Variants in SLC10A7 observed in about 807,000 individuals in gnomAD.
SLC10A7 encodes the protein solute carrier family 10 member 7, also known as sodium/bile acid cotransporter 7.
A neutral mutation model predicts 43.2 loss-of-function variants in SLC10A7; 29 were observed. The ratio of observed to expected loss-of-function variants is 0.67; its 90% CI spans 0.50 to 0.92. The LOEUF (loss-of-function observed/expected upper bound fraction) is 0.92. Ranked by LOEUF, SLC10A7 falls within the 40% of genes least tolerant of loss-of-function variation. The pLI, the probability that SLC10A7 is intolerant of heterozygous loss-of-function variation, is 0.00. For synonymous variants in SLC10A7, 152 were observed against 144.8 expected, an observed-to-expected ratio of 1.05 and a Z score of -0.35; for missense variants, 295 against 403.2, an observed-to-expected ratio of 0.73 and a Z score of 2.30.
chr4:146,511,564 C>A (rs1259491909), intron 2 of SLC10A7, among the ~76,000 whole-genome samples: 1 of 152,190 alleles, frequency 6.6e-6, no homozygotes, highest in Non-Finnish European at 1.5e-5. Flanking sequence ...AGATTAGTCT[C>A]ATCACTTCCC....
chr4:146,280,271 T>C (rs1326415018), intron 10 of SLC10A7, among the ~76,000 whole-genome samples: 6 of 152,192 alleles, frequency 3.9e-5, no homozygotes, highest in Non-Finnish European at 8.8e-5. Context: ...AATAGTTATA[T>C]TATAATCTGT....
intron 4 of SLC10A7, among the ~76,000 whole-genome samples, chr4:146,495,367 A>G (rs1735790445): frequency 6.6e-6 from 1 of 152,220 alleles, no homozygotes; most frequent in Non-Finnish European, 1.5e-5. Context: ...CTCTCTGCTG[A>G]TTAGATCTAC....
chr4:146,356,452 C>G (rs1215656128), intron 5 of SLC10A7, among the ~76,000 whole-genome samples: 1 of 152,084 alleles, frequency 6.6e-6, no homozygotes, highest in African/African-American at 2.4e-5. Flanking sequence ...TCCTGAAACA[C>G]TTAGTTCATT....
At chr4:146,445,037 C>A (rs1730920233) in intron 4 of SLC10A7, among the ~76,000 whole-genome samples, 1 of 152,072 alleles carries the variant, frequency 6.6e-6, no homozygotes, top group South Asian at 2.1e-4. Context: ...GAATTCCCAG[C>A]TCCTTGGCAT....
chr4:146,270,443 G>C (rs1256219590), intron 10 of SLC10A7, among the ~76,000 whole-genome samples: 7 of 152,208 alleles, frequency 4.6e-5, no homozygotes, highest in African/African-American at 1.7e-4. Context: ...GAACCTAGTA[G>C]AACATAAATG....
At chr4:146,521,487 G>T in intron 1 of SLC10A7, 131 bp downstream of exon 1, 1 of 691,092 alleles carries the variant, frequency 1.4e-6, no homozygotes, top group East Asian at 2.7e-5. Context: ...ATCAGCAAAA[G>T]GGCCAAAGGC....
At chr4:146,375,841 G>C (rs1388705852) in intron 5 of SLC10A7, among the ~76,000 whole-genome samples, 1 of 152,128 alleles carries the variant, frequency 6.6e-6, no homozygotes, top group East Asian at 1.9e-4. Context: ...GGTGAAGATA[G>C]TGTCGGATCC....
chr4:146,372,281 C>T (rs868401966), intron 5 of SLC10A7, among the ~76,000 whole-genome samples: 20 of 151,798 alleles, frequency 1.3e-4, no homozygotes, highest in Middle Eastern at 6.8e-3. Flanking sequence ...TGGAGACACC[C>T]CATCTCTACA....
At chr4:146,390,877 A>G (rs1345065569) in intron 5 of SLC10A7, among the ~76,000 whole-genome samples, 4 of 152,186 alleles carry the variant, frequency 2.6e-5, no homozygotes, top group African/African-American at 9.7e-5. Context: ...AAAACAAAAA[A>G]AAAATGGTTG....
chr4:146,467,560 C>CT (rs1733150624), intron 4 of SLC10A7, among the ~76,000 whole-genome samples: 1 of 92,884 alleles, frequency 1.1e-5, no homozygotes, highest in African/African-American at 4.5e-5. Flanking sequence ...TTTTCTTTCT[C>CT]TCTTTTTTTT....
intron 10 of SLC10A7, among the ~76,000 whole-genome samples, chr4:146,276,878 C>T (rs991445047): frequency 6.6e-6 from 1 of 151,924 alleles, no homozygotes; most frequent in Non-Finnish European, 1.5e-5. Context: ...GGTTGGAGCC[C>T]AGGAGTTGGA....
At chr4:146,354,504 C>T (rs1330662881) in intron 5 of SLC10A7, among the ~76,000 whole-genome samples, 1 of 150,032 alleles carries the variant, frequency 6.7e-6, no homozygotes, top group Non-Finnish European at 1.5e-5. Context: ...CATCAAGCTA[C>T]CAATGACTTT....
chr4:146,503,795 G>C, intron 4 of SLC10A7, 54 bp downstream of exon 4: 6 of 1,514,002 alleles, frequency 4.0e-6, no homozygotes, highest in Non-Finnish European at 5.5e-6. Context: ...ATATATTTTT[G>C]AAATAAAAGC....
chr4:146,517,027 G>A lies in SLC10A7; in HGVS notation c.183+11C>T. ...CTCCCTGCTTTTCATGTGTCCCATA[G>A]ATGACAGTACCTCTGTTTTCAATGA... On this transcript the variant is annotated intron_variant, in intron 2 of 11. Transcript: ENST00000335472. 1 of 1,574,290 alleles carries A rather than the reference G, an allele frequency of 6.4e-7. No homozygotes were observed.
At chr4:146,472,453 T>G (rs1477577362) in intron 4 of SLC10A7, among the ~76,000 whole-genome samples, 1 of 151,394 alleles carries the variant, frequency 6.6e-6, no homozygotes, top group African/African-American at 2.4e-5. Context: ...TTTTTTTTTT[T>G]TCCTTTCAAG....
intron 10 of SLC10A7, among the ~76,000 whole-genome samples, chr4:146,267,066 G>T (rs1728604599): frequency 6.6e-6 from 1 of 152,098 alleles, no homozygotes; most frequent in African/African-American, 2.4e-5. Context: ...CCATGCCAAA[G>T]TTACACAAAG....
intron 5 of SLC10A7, among the ~76,000 whole-genome samples, chr4:146,350,181 T>C (rs956321544): frequency 1.4e-5 from 2 of 142,364 alleles, no homozygotes; most frequent in African/African-American, 2.7e-5. Flanking sequence ...GCGCGCACCG[T>C]GCGCTAGCCG....
chr4:146,347,461 T>G (rs1180149455), intron 5 of SLC10A7, among the ~76,000 whole-genome samples: 1 of 152,184 alleles, frequency 6.6e-6, no homozygotes, highest in East Asian at 1.9e-4. Context: ...GTAACCAAAA[T>G]GTCAGCAAAA....
intron 5 of SLC10A7, among the ~76,000 whole-genome samples, chr4:146,397,542 T>C (rs767354241): frequency 1.6e-4 from 25 of 152,158 alleles, no homozygotes; most frequent in Non-Finnish European, 2.6e-4. Context: ...ATAGTTTGCA[T>C]AGGATTTTTA....
Sources: allele counts gnomAD v4.1 joint callset (sites outside exome capture counted in the v4.1 genomes callset), GRCh38; gene constraint gnomAD v4.1.1; transcripts MANE v1.5; gene names NCBI Gene and HGNC (gene_info 2026-07-23, HGNC 2026-07-21).